The following PRELID2 variants were observed in gnomAD, a reference collection of about 807,000 sequenced individuals.
PRELID2 encodes PRELI domain-containing protein 2.
Under a neutral mutation model 28.4 loss-of-function variants are expected in PRELID2, and 25 were observed. The ratio of observed to expected loss-of-function variants is 0.88; its 90% CI spans 0.64 to 1.23. The LOEUF (loss-of-function observed/expected upper bound fraction) is 1.23. PRELID2 is among the 50% of genes most tolerant of loss of function. The pLI is 0.00. For missense variants in PRELID2, 201 were observed against 214.4 expected (o/e 0.94, Z 0.39); for synonymous variants, 76 against 71.6 (o/e 1.06, Z -0.31).
chr5:145,232,228 AT>A, the PRELID2 span, among the ~76,000 whole-genome samples: 19 of 152,296 alleles, frequency 1.2e-4, no homozygotes, highest in African/African-American at 4.3e-4. Flanking sequence ...TAAAGTGTAT[AT>A]TATATTCCAG....
chr5:145,248,027 A>G, the PRELID2 span, among the ~76,000 whole-genome samples: 1 of 152,130 alleles, frequency 6.6e-6, no homozygotes, highest in African/African-American at 2.4e-5. Context: ...GAAGAAAATC[A>G]TAACTAATAT....
chr5:145,538,499 G>A (rs977980499), intron 1 of PRELID2, among the ~76,000 whole-genome samples: 1 of 151,954 alleles, frequency 6.6e-6, no homozygotes, highest in Non-Finnish European at 1.5e-5. Flanking sequence ...ATGGCCACAT[G>A]TGGCAAGTGG....
intron 1 of PRELID2, among the ~76,000 whole-genome samples, chr5:145,677,644 T>C (rs1754846504): frequency 6.6e-6 from 1 of 151,874 alleles, no homozygotes. Flanking sequence ...GGCACAGGGG[T>C]TCATTGTGCT....
At chr5:145,569,352 G>A (rs1184713692) in intron 1 of PRELID2, among the ~76,000 whole-genome samples, 1 of 152,162 alleles carries the variant, frequency 6.6e-6, no homozygotes, top group Non-Finnish European at 1.5e-5. Flanking sequence ...TAACATGTCT[G>A]GGTGGATCCA....
chr5:145,660,309 T>C (rs1328185551), intron 1 of PRELID2, among the ~76,000 whole-genome samples: 1 of 152,176 alleles, frequency 6.6e-6, no homozygotes, highest in Non-Finnish European at 1.5e-5. Flanking sequence ...TTGAATTCCA[T>C]CATCTCCACA....
chr5:145,461,299 ACTT>A, the PRELID2 span, among the ~76,000 whole-genome samples: 15 of 151,680 alleles, frequency 9.9e-5, no homozygotes, highest in Admixed American at 2.6e-4. Flanking sequence ...AAGATATTTA[ACTT>A]CTTCTTCTTT....
chr5:145,528,508 A>G (rs113775157), intron 1 of PRELID2, among the ~76,000 whole-genome samples: 1 of 152,006 alleles, frequency 6.6e-6, no homozygotes, highest in African/African-American at 2.4e-5. Context: ...GAGCACATAC[A>G]TGCAAAGGGA....
chr5:145,667,651 G>A (rs1407763695), intron 1 of PRELID2, among the ~76,000 whole-genome samples: 1 of 151,996 alleles, frequency 6.6e-6, no homozygotes, highest in South Asian at 2.1e-4. Context: ...AGTATGGCTT[G>A]GGAGTAAGAC....
chr5:145,351,826 G>A, the PRELID2 span, among the ~76,000 whole-genome samples: 3 of 152,242 alleles, frequency 2.0e-5, no homozygotes, highest in African/African-American at 4.8e-5. Flanking sequence ...TCCAAATGGG[G>A]GAAATTGGCC....
intron 1 of PRELID2, among the ~76,000 whole-genome samples, chr5:145,476,880 C>G (rs1164201354): frequency 6.6e-6 from 1 of 152,118 alleles, no homozygotes; most frequent in East Asian, 1.9e-4. Context: ...TAAGGCAGAA[C>G]ACAGTGCCTG....
chr5:145,579,542 A>G (rs1053829635), intron 1 of PRELID2, among the ~76,000 whole-genome samples: 2 of 152,126 alleles, frequency 1.3e-5, no homozygotes, highest in African/African-American at 2.4e-5. Flanking sequence ...TATTGAATAC[A>G]TAATTTAACT....
the PRELID2 span, among the ~76,000 whole-genome samples, chr5:145,312,515 A>T: frequency 6.6e-6 from 1 of 151,648 alleles, no homozygotes; most frequent in Non-Finnish European, 1.5e-5. Context: ...TATCTCCTTT[A>T]CTCTCACCCT....
chr5:145,693,525 T>G (rs1245200425), intron 1 of PRELID2, among the ~76,000 whole-genome samples: 1 of 151,086 alleles, frequency 6.6e-6, no homozygotes, highest in Non-Finnish European at 1.5e-5. Flanking sequence ...TCCCAACATT[T>G]TGGGAGGTCA....
At chr5:145,363,808 T>C in the PRELID2 span, among the ~76,000 whole-genome samples, 26 of 152,068 alleles carry the variant, frequency 1.7e-4, no homozygotes, top group Non-Finnish European at 3.5e-4. Context: ...AAAGGAGTTA[T>C]GTTTACAGCG....
chr5:145,310,120 GGTT>G, the PRELID2 span, among the ~76,000 whole-genome samples: 2 of 152,166 alleles, frequency 1.3e-5, no homozygotes, highest in Middle Eastern at 3.2e-3. Context: ...CTGCCTTCAT[GGTT>G]GTTGTGAGAT....
chr5:145,392,514 C>A, the PRELID2 span, among the ~76,000 whole-genome samples: 1 of 152,104 alleles, frequency 6.6e-6, no homozygotes, highest in Non-Finnish European at 1.5e-5. Flanking sequence ...ACCATATCAC[C>A]TGGACACAGA....
chr5:145,482,063 AG>A (rs1752166670), intron 1 of PRELID2, among the ~76,000 whole-genome samples: 1 of 152,156 alleles, frequency 6.6e-6, no homozygotes, highest in South Asian at 2.1e-4. Context: ...ATGGAGATTC[AG>A]GGACGTGGAC....
chr5:145,408,356 G>T, the PRELID2 span, among the ~76,000 whole-genome samples: 1 of 147,840 alleles, frequency 6.8e-6, no homozygotes, highest in Admixed American at 6.8e-5. Flanking sequence ...AGCTACTCAA[G>T]GAGGTAGCAG....
chr5:145,235,010 A>T, the PRELID2 span, among the ~76,000 whole-genome samples: 1 of 152,176 alleles, frequency 6.6e-6, no homozygotes, highest in Non-Finnish European at 1.5e-5. Flanking sequence ...TTAAGTAAAA[A>T]GAAATGTAAT....
Sources: allele counts gnomAD v4.1 joint callset (sites outside exome capture counted in the v4.1 genomes callset), GRCh38; gene constraint gnomAD v4.1.1; transcripts MANE v1.5; gene names NCBI Gene and HGNC (gene_info 2026-07-23, HGNC 2026-07-21).